JAKMIP2: variants seen among roughly 807,000 people sequenced by gnomAD.
The protein encoded by JAKMIP2 is janus kinase and microtubule-interacting protein 2.
A neutral mutation model predicts 115.0 loss-of-function variants in JAKMIP2; 25 were observed. That is an observed-to-expected ratio of 0.22 (90% CI 0.16 to 0.30). The LOEUF (loss-of-function observed/expected upper bound fraction) is 0.30, where lower values mean the gene tolerates loss of function less well. Ranked by LOEUF, JAKMIP2 falls within the 10% of genes least tolerant of loss-of-function variation. JAKMIP2 has a pLI of 1.00. For synonymous variants in JAKMIP2, 334 were observed against 343.6 expected, an observed-to-expected ratio of 0.97 and a Z score of 0.31; for missense variants, 642 against 957.6, an observed-to-expected ratio of 0.67 and a Z score of 4.35.
chr5:147,735,317 T>C (rs1753879414), intron 1 of JAKMIP2, among the ~76,000 whole-genome samples: 1 of 152,166 alleles, frequency 6.6e-6, no homozygotes, highest in African/African-American at 2.4e-5. Flanking sequence ...ATTAGTCTGT[T>C]CTCAGGCTGC....
intron 1 of JAKMIP2, among the ~76,000 whole-genome samples, chr5:147,680,617 T>C (rs1580770616): frequency 6.6e-6 from 1 of 152,350 alleles, no homozygotes; most frequent in East Asian, 1.9e-4. Context: ...AAGATGATGC[T>C]TTTCAATGAG....
chr5:147,612,600 T>C (rs941055643), intron 19 of JAKMIP2, among the ~76,000 whole-genome samples: 2 of 152,224 alleles, frequency 1.3e-5, no homozygotes, highest in East Asian at 3.9e-4. Flanking sequence ...TCAAAAAATA[T>C]TTGCCACCTT....
At chr5:147,648,311 T>C (rs1758230523) in intron 5 of JAKMIP2, 65 bp downstream of exon 5, 1 of 819,862 alleles carries the variant, frequency 1.2e-6, no homozygotes, top group Non-Finnish European at 2.1e-6. Context: ...ATCTATAACA[T>C]AGTATGTAAT....
chr5:147,654,884 C>T (rs1188408939), intron 3 of JAKMIP2, among the ~76,000 whole-genome samples: 2 of 152,010 alleles, frequency 1.3e-5, no homozygotes, highest in African/African-American at 4.8e-5. Flanking sequence ...GAGGTTTGTT[C>T]CACCAATACT....
intron 19 of JAKMIP2, among the ~76,000 whole-genome samples, chr5:147,615,934 A>T (rs1172649893): frequency 2.0e-5 from 3 of 152,160 alleles, no homozygotes; most frequent in African/African-American, 4.8e-5. Context: ...CTGGGGTGAC[A>T]AAAATGAACA....
At position 147,588,322 on chromosome 5, in the gene JAKMIP2, TCTGA is replaced by T. The variant is rs930997161; in HGVS notation, c.*3381_*3384del. ...GTTAATGAACCCGGAAGAATGCTGT[TCTGA>T]CTGCTACAAACTCAGTAGCCAAATG... On this transcript the variant is annotated 3_prime_UTR_variant, in exon 22 of 22. Transcript: ENST00000616793. 6.6e-6 allele frequency: 1 copy of T among 152,154 alleles called. No individual in the cohort carries two copies. Among genetic ancestry groups the T allele is most frequent in the African/African-American group, 2.4e-5 (1 of 41,436 alleles). The allele number at this position is 152,154 out of a possible 1,614,324, so 9.4% of individuals were successfully genotyped here.
Position 147,632,630 on chromosome 5 carries a change from C to T in JAKMIP2, c.1776+50G>A, listed in dbSNP as rs747662257. 6 of 1,161,694 alleles carry T rather than the reference C, an allele frequency of 5.2e-6. No homozygotes were observed. The East Asian group carries it at 1.4e-4, about 27-fold the overall frequency. 72.0% of individuals were successfully genotyped at this position (1,161,694 alleles called of 1,614,324 possible). ...GCCTAGCTCCTCAATGTGCTCTGTG[C>T]ATGTTAATCATTACGATTATTTTTA... On this transcript the variant is annotated intron_variant, in intron 13 of 21. Coordinates refer to ENST00000616793, the MANE Select transcript of JAKMIP2 (RefSeq NM_001270941.2).
At chr5:147,619,298 C>T (rs958908674) in intron 18 of JAKMIP2, among the ~76,000 whole-genome samples, 1 of 151,858 alleles carries the variant, frequency 6.6e-6, no homozygotes, top group African/African-American at 2.4e-5. Flanking sequence ...AACTTAATTT[C>T]GTATAGGTAG....
intron 1 of JAKMIP2, among the ~76,000 whole-genome samples, chr5:147,765,742 T>C (rs1171423315): frequency 6.6e-6 from 1 of 152,058 alleles, no homozygotes; most frequent in East Asian, 1.9e-4. Flanking sequence ...GAAAAAAAAA[T>C]TCACCTGTAA....
intron 1 of JAKMIP2, among the ~76,000 whole-genome samples, chr5:147,683,207 C>T (rs530800026): frequency 3.3e-5 from 5 of 152,208 alleles, no homozygotes; most frequent in African/African-American, 9.6e-5. Flanking sequence ...AACAATCTGG[C>T]GACCAGGTGT....
At chr5:147,733,356 T>A (rs1236463972) in intron 1 of JAKMIP2, among the ~76,000 whole-genome samples, 1 of 152,266 alleles carries the variant, frequency 6.6e-6, no homozygotes, top group African/African-American at 2.4e-5. Context: ...TGCCTCATTC[T>A]TGCCTTTCCT....
intron 21 of JAKMIP2, chr5:147,594,285 A>G (rs1020397360): frequency 1.1e-5 from 3 of 284,244 alleles, no homozygotes; most frequent in African/African-American, 4.3e-5. Flanking sequence ...TCATCTGTGG[A>G]AAACAGCAAT....
At chr5:147,677,056 C>T (rs1190121037) in intron 1 of JAKMIP2, among the ~76,000 whole-genome samples, 1 of 152,172 alleles carries the variant, frequency 6.6e-6, no homozygotes. Flanking sequence ...GTTAGACAAA[C>T]CTGTTTAAAT....
intron 1 of JAKMIP2, among the ~76,000 whole-genome samples, chr5:147,683,620 A>G (rs1760419738): frequency 1.3e-5 from 2 of 152,184 alleles, no homozygotes; most frequent in Admixed American, 1.3e-4. Context: ...AAGATTTTCT[A>G]TTTTAGGCAT....
intron 2 of JAKMIP2, among the ~76,000 whole-genome samples, chr5:147,668,658 G>A (rs550722570): frequency 2.6e-5 from 4 of 152,326 alleles, no homozygotes; most frequent in Admixed American, 1.3e-4. Flanking sequence ...AGGATGGAAT[G>A]AGATAATGGC....
At position 147,782,468 on chromosome 5, in the gene JAKMIP2, C is replaced by T. The variant is rs980158758; in HGVS notation, c.-161G>A. On this transcript the variant is annotated 5_prime_UTR_variant, in exon 1 of 22. Coordinates refer to ENST00000616793, the MANE Select transcript of JAKMIP2 (RefSeq NM_001270941.2). Reference sequence around the variant, plus strand: ...GTTTCCTACTCACCATGCTGAGACCCGGAGAAGCTGTTTAAAGGAGGGAGA... The same window carrying T: ...GTTTCCTACTCACCATGCTGAGACCTGGAGAAGCTGTTTAAAGGAGGGAGA... 3 of 1,535,966 alleles carry T rather than the reference C, an allele frequency of 2.0e-6. No individual in the cohort carries two copies. The highest frequency in any genetic ancestry group is 2.4e-5 in the South Asian group (2 of 84,058).
intron 1 of JAKMIP2, among the ~76,000 whole-genome samples, chr5:147,769,409 G>A (rs372834248): frequency 6.6e-6 from 1 of 152,128 alleles, no homozygotes; most frequent in Admixed American, 6.5e-5. Flanking sequence ...TCTGCAGAAT[G>A]TGTATGGATT....
In JAKMIP2 at chr5:147,761,598, A is replaced by G. The variant is rs72835173; in HGVS notation, c.-149+20858T>C. Among the ~76,000 whole-genome samples, 640 of 152,270 alleles carry G rather than the reference A, an allele frequency of 4.2e-3. 4 individuals carry two copies. The highest frequency in any genetic ancestry group is 7.4e-3 in the Non-Finnish European group (505 of 68,010). On this transcript the variant is annotated intron_variant, in intron 1 of 21. Transcript: ENST00000616793. ...AATTATTCTATATTTAACAGCTGAG[A>G]AAAGTGGCACTTAGAAAAGTTAGGT...
chr5:147,698,382 A>G (rs1316107095), intron 1 of JAKMIP2, among the ~76,000 whole-genome samples: 4 of 152,144 alleles, frequency 2.6e-5, no homozygotes, highest in Admixed American at 2.0e-4. Context: ...TAATGCTGGA[A>G]TGAGTTAAGA....
Sources: allele counts gnomAD v4.1 joint callset (sites outside exome capture counted in the v4.1 genomes callset), GRCh38; gene constraint gnomAD v4.1.1; transcripts MANE v1.5; gene names NCBI Gene and HGNC (gene_info 2026-07-23, HGNC 2026-07-21).